Variants in ADAMTSL1 observed in about 807,000 individuals in gnomAD.
ADAMTSL1 encodes the protein ADAMTS-like protein 1.
ADAMTSL1 carries 126 observed loss-of-function variants against 201.8 expected under a neutral mutation model. The ratio of observed to expected loss-of-function variants is 0.62; its 90% CI spans 0.54 to 0.72. The LOEUF is 0.72. ADAMTSL1 is among the 30% of genes least tolerant of loss of function. ADAMTSL1 has a pLI of 0.00. For synonymous variants in ADAMTSL1, 1,121 were observed against 903.4 expected, an observed-to-expected ratio of 1.24 and a Z score of -4.32; for missense variants, 2,679 against 2,277.8, an observed-to-expected ratio of 1.18 and a Z score of -3.59.
chr9:18,379,362 T>C (rs1017309851), intron 2 of ADAMTSL1, among the ~76,000 whole-genome samples: 2 of 152,228 alleles, frequency 1.3e-5, no homozygotes, highest in African/African-American at 2.4e-5. Context: ...CTTGCAAAAA[T>C]GTAAGTTGAA....
intron 2 of ADAMTSL1, among the ~76,000 whole-genome samples, chr9:18,346,669 G>A (rs1055531576): frequency 2.0e-5 from 3 of 152,138 alleles, no homozygotes; most frequent in African/African-American, 7.2e-5. Context: ...AGTGGCCTTC[G>A]ATTTTGGCTA....
intron 20 of ADAMTSL1, among the ~76,000 whole-genome samples, chr9:18,814,648 C>G (rs1823719116): frequency 6.6e-6 from 1 of 152,188 alleles, no homozygotes; most frequent in Admixed American, 6.5e-5. Context: ...AAACCAAATA[C>G]TGCATGTTCT....
In ADAMTSL1 at chr9:18,267,270, T is replaced by C. The variant is rs532013118; in HGVS notation, c.207+103289T>C. Among the ~76,000 whole-genome samples the C allele has an allele frequency of 7.2e-4, 110 of 152,288 alleles. No homozygotes were observed. In the South Asian group the frequency reaches 0.021, roughly 30 times the overall value. On this transcript the variant is annotated intron_variant, in intron 2 of 29. Coordinates refer to the ADAMTSL1 transcript ENST00000680146. Reference sequence around the variant, plus strand: ...TATAGTCAGTCATGCAACGATTTCTTACTTCATAGTATGAGTATCAGCCAA... The same window carrying C: ...TATAGTCAGTCATGCAACGATTTCTCACTTCATAGTATGAGTATCAGCCAA...
intron 2 of ADAMTSL1, among the ~76,000 whole-genome samples, chr9:18,515,658 T>A (rs1668255244): frequency 2.0e-5 from 3 of 152,168 alleles, no homozygotes. Flanking sequence ...TTCTTTTATG[T>A]TAAAAGGAGT....
chr9:18,276,756 G>A (rs1832604223), intron 2 of ADAMTSL1, among the ~76,000 whole-genome samples: 1 of 152,146 alleles, frequency 6.6e-6, no homozygotes, highest in South Asian at 2.1e-4. Flanking sequence ...ATTTTAAACA[G>A]CCAGATCTGG....
chr9:18,614,772 T>G (rs572341227), intron 4 of ADAMTSL1, among the ~76,000 whole-genome samples: 1 of 152,196 alleles, frequency 6.6e-6, no homozygotes, highest in African/African-American at 2.4e-5. Context: ...TCAGTTGATT[T>G]GGTCTAATTT....
At chr9:18,341,152 T>C (rs1835449959) in intron 2 of ADAMTSL1, among the ~76,000 whole-genome samples, 1 of 152,120 alleles carries the variant, frequency 6.6e-6, no homozygotes, top group Non-Finnish European at 1.5e-5. Flanking sequence ...AACTTCAAGT[T>C]GTCCTCTGGA....
At chr9:18,502,924 A>T (rs1348949487) in intron 1 of ADAMTSL1, among the ~76,000 whole-genome samples, 1 of 152,054 alleles carries the variant, frequency 6.6e-6, no homozygotes, top group Non-Finnish European at 1.5e-5. Flanking sequence ...AATAATTAAT[A>T]AATAATGTTA....
chr9:18,837,534 C>A (rs1588199692), intron 23 of ADAMTSL1, among the ~76,000 whole-genome samples: 1 of 152,182 alleles, frequency 6.6e-6, no homozygotes, highest in Non-Finnish European at 1.5e-5. Context: ...TATTCCCTAC[C>A]CTGTGTGAGC....
rs1830641454 is a variant in ADAMTSL1, at chr9:18,231,434, C to G, written c.207+67453C>G. Among the ~76,000 whole-genome samples, 3 of 152,186 alleles carry G rather than the reference C, an allele frequency of 2.0e-5. No homozygotes were observed. In the South Asian group the frequency reaches 6.2e-4, roughly 31 times the overall value. On this transcript the variant is annotated intron_variant, in intron 2 of 29. Coordinates refer to the ADAMTSL1 transcript ENST00000680146. ...CTTGACAGGTTGACCAACCCCTCCT[C>G]CTTGGAATCTTTTGGCTTCCAGGAA...
chr9:18,711,080 C>T (rs1423016632), intron 14 of ADAMTSL1, among the ~76,000 whole-genome samples: 1 of 152,156 alleles, frequency 6.6e-6, no homozygotes, highest in African/African-American at 2.4e-5. Flanking sequence ...TGATCTACAG[C>T]TGCAGAAGCC....
intron 2 of ADAMTSL1, among the ~76,000 whole-genome samples, chr9:18,387,014 A>G (rs181169333): frequency 1.6e-4 from 25 of 152,274 alleles, no homozygotes; most frequent in Non-Finnish European, 3.1e-4. Flanking sequence ...ATGTGGTAGA[A>G]GTATATTTAT....
intron 1 of ADAMTSL1, among the ~76,000 whole-genome samples, chr9:18,000,067 G>A (rs899458204): frequency 2.0e-4 from 30 of 149,396 alleles, no homozygotes; most frequent in African/African-American, 6.2e-4. Flanking sequence ...ATAAACATAC[G>A]TGTGCATGTG....
At chr9:18,525,916 T>C (rs746230650) in intron 2 of ADAMTSL1, among the ~76,000 whole-genome samples, 10 of 152,234 alleles carry the variant, frequency 6.6e-5, no homozygotes, top group African/African-American at 1.7e-4. Flanking sequence ...AGAACGTATA[T>C]TCTGTTGATT....
intron 2 of ADAMTSL1, among the ~76,000 whole-genome samples, chr9:18,315,725 G>C (rs543176826): frequency 6.6e-6 from 1 of 152,120 alleles, no homozygotes; most frequent in Non-Finnish European, 1.5e-5. Flanking sequence ...CACACCTCCC[G>C]GCAAGCAGAG....
chr9:18,566,434 T>C (rs192032722), intron 3 of ADAMTSL1, among the ~76,000 whole-genome samples: 126 of 152,290 alleles, frequency 8.3e-4, no homozygotes, highest in African/African-American at 2.9e-3. Flanking sequence ...TCCGATATAC[T>C]TGTGGGTGAC....
At chr9:18,647,079 T>A (rs1454044115) in intron 7 of ADAMTSL1, among the ~76,000 whole-genome samples, 1 of 152,178 alleles carries the variant, frequency 6.6e-6, no homozygotes, top group African/African-American at 2.4e-5. Flanking sequence ...CTGTTATTGG[T>A]CTACTCAGAG....
chr9:18,673,254 G>A (rs1457926603), intron 9 of ADAMTSL1, among the ~76,000 whole-genome samples: 1 of 151,940 alleles, frequency 6.6e-6, no homozygotes, highest in Non-Finnish European at 1.5e-5. Context: ...AAAAAAGTAA[G>A]CAATAGGAAG....
intron 2 of ADAMTSL1, among the ~76,000 whole-genome samples, chr9:18,209,341 G>A (rs1374202231): frequency 1.3e-5 from 2 of 152,086 alleles, no homozygotes; most frequent in Non-Finnish European, 2.9e-5. Context: ...GGTGAATATG[G>A]CACATTTATG....
Sources: allele counts gnomAD v4.1 joint callset (sites outside exome capture counted in the v4.1 genomes callset), GRCh38; gene constraint gnomAD v4.1.1; transcripts MANE v1.5; gene names NCBI Gene and HGNC (gene_info 2026-07-23, HGNC 2026-07-21).